ANKS1B: variants seen among roughly 807,000 people sequenced by gnomAD.
ANKS1B encodes ankyrin repeat and sterile alpha motif domain containing 1B.
A neutral mutation model predicts 148.3 loss-of-function variants in ANKS1B; 36 were observed. The ratio of observed to expected loss-of-function variants is 0.24; its 90% CI spans 0.19 to 0.32. The LOEUF is 0.32. Ranked by LOEUF, ANKS1B falls within the 10% of genes least tolerant of loss-of-function variation. The pLI is 1.00. For missense variants in ANKS1B, 1,157 were observed against 1,542.6 expected (o/e 0.75, Z 4.19); for synonymous variants, 542 against 560.8 (o/e 0.97, Z 0.47).
At chr12:99,925,407 G>C (rs1218152716) in intron 1 of ANKS1B, among the ~76,000 whole-genome samples, 1 of 152,146 alleles carries the variant, frequency 6.6e-6, no homozygotes, top group Non-Finnish European at 1.5e-5. Flanking sequence ...GCATTTCTCA[G>C]CCTGGGCTCC....
Position 99,158,120 on chromosome 12 carries a change from G to A in ANKS1B, c.2420-3725C>T, listed in dbSNP as rs1002259237. 4.6e-5 allele frequency among the ~76,000 whole-genome samples: 7 copies of A among 152,034 alleles called. No homozygotes were observed. In the South Asian group the frequency reaches 6.2e-4, roughly 14 times the overall value. On this transcript the variant is annotated intron_variant, in intron 14 of 26. Coordinates refer to ENST00000683438, the MANE Select transcript of ANKS1B (RefSeq NM_001352186.2). Reference sequence around the variant, plus strand: ...ACCCTGAGTCATGTTGTTTGTTTGCGGTTTTGTTGAAGTATTTTCTCATGA... The same window carrying A: ...ACCCTGAGTCATGTTGTTTGTTTGCAGTTTTGTTGAAGTATTTTCTCATGA...
At chr12:99,937,877 A>C (rs541571480) in intron 1 of ANKS1B, among the ~76,000 whole-genome samples, 1 of 152,182 alleles carries the variant, frequency 6.6e-6, no homozygotes, top group Non-Finnish European at 1.5e-5. Flanking sequence ...ATGATAAATC[A>C]GTCATGAATC....
chr12:99,941,603 A>C (rs2094920901), intron 1 of ANKS1B, among the ~76,000 whole-genome samples: 1 of 152,198 alleles, frequency 6.6e-6, no homozygotes. Context: ...AGGAAAAATA[A>C]AATAAGCTGT....
At chr12:98,990,221 C>A (rs531158357) in intron 17 of ANKS1B, among the ~76,000 whole-genome samples, 4 of 152,138 alleles carry the variant, frequency 2.6e-5, no homozygotes, top group East Asian at 3.9e-4. Context: ...GTGCAGAGAT[C>A]TTTTACCTCC....
chr12:98,945,062 A>T (rs1314334157), intron 17 of ANKS1B, among the ~76,000 whole-genome samples: 1 of 152,216 alleles, frequency 6.6e-6, no homozygotes, highest in African/African-American at 2.4e-5. Context: ...TTGATCAGTG[A>T]CTGGAGATCC....
intron 15 of ANKS1B, among the ~76,000 whole-genome samples, chr12:99,152,181 TATG>T (rs1238767665): frequency 6.6e-6 from 1 of 152,166 alleles, no homozygotes; most frequent in Non-Finnish European, 1.5e-5. Context: ...ATTAATCGCT[TATG>T]ATACTAGTAG....
At chr12:99,732,294 C>T (rs1038381875) in intron 8 of ANKS1B, among the ~76,000 whole-genome samples, 2 of 152,174 alleles carry the variant, frequency 1.3e-5, no homozygotes, top group African/African-American at 4.8e-5. Context: ...AGTAATCCCA[C>T]TCTTACATGT....
intron 11 of ANKS1B, among the ~76,000 whole-genome samples, chr12:99,442,948 T>A (rs2095574273): frequency 6.6e-6 from 1 of 151,952 alleles, no homozygotes; most frequent in Admixed American, 6.6e-5. Flanking sequence ...ACCAATTTCG[T>A]GTTCTGGGTC....
At chr12:99,162,938 G>C (rs1402046574) in intron 14 of ANKS1B, among the ~76,000 whole-genome samples, 1 of 151,942 alleles carries the variant, frequency 6.6e-6, no homozygotes, top group Non-Finnish European at 1.5e-5. Flanking sequence ...GGCACCTGTA[G>C]TCCCAGCTAC....
At chr12:99,717,412 C>T (rs1398879686) in intron 8 of ANKS1B, among the ~76,000 whole-genome samples, 2 of 152,196 alleles carry the variant, frequency 1.3e-5, no homozygotes, top group African/African-American at 2.4e-5. Context: ...ACGCCTAAAC[C>T]GCAGTGGCCA....
intron 8 of ANKS1B, among the ~76,000 whole-genome samples, chr12:99,731,348 ACCTCAAATGATC>A (rs970467306): frequency 5.5e-4 from 84 of 151,478 alleles, no homozygotes; most frequent in African/African-American, 2.0e-3. Flanking sequence ...CAAACTCCTG[ACCTCAAATGATC>A]CACTCGCCTC....
At chr12:99,224,541 A>G (rs944793316) in intron 14 of ANKS1B, among the ~76,000 whole-genome samples, 3 of 152,094 alleles carry the variant, frequency 2.0e-5, no homozygotes, top group African/African-American at 7.2e-5. Context: ...GCCATGTAAG[A>G]TGCCTATGCT....
At chr12:98,862,592 T>C (rs2099604773) in intron 17 of ANKS1B, among the ~76,000 whole-genome samples, 1 of 152,182 alleles carries the variant, frequency 6.6e-6, no homozygotes, top group South Asian at 2.1e-4. Context: ...AAATAGACAC[T>C]TTATGTAAAA....
At chr12:99,910,319 C>T (rs1375813747) in intron 1 of ANKS1B, among the ~76,000 whole-genome samples, 1 of 122,090 alleles carries the variant, frequency 8.2e-6, no homozygotes, top group Non-Finnish European at 1.6e-5. Flanking sequence ...CGCACCACTG[C>T]ATTCCAGCCT....
intron 10 of ANKS1B, among the ~76,000 whole-genome samples, chr12:99,494,514 A>G (rs908685551): frequency 6.6e-6 from 1 of 151,990 alleles, no homozygotes; most frequent in African/African-American, 2.4e-5. Context: ...TGGGCGGGTT[A>G]CGAGGTCAGG....
intron 15 of ANKS1B, among the ~76,000 whole-genome samples, chr12:99,153,636 C>G (rs553599500): frequency 6.6e-6 from 1 of 152,190 alleles, no homozygotes; most frequent in Non-Finnish European, 1.5e-5. Flanking sequence ...CATGACTATA[C>G]TTACTCCACC....
At chr12:99,928,286 T>TTTTTTTTTTG (rs1288372417) in intron 1 of ANKS1B, among the ~76,000 whole-genome samples, 1 of 150,176 alleles carries the variant, frequency 6.7e-6, no homozygotes, top group Non-Finnish European at 1.5e-5. Flanking sequence ...TTTTTTTTTT[T>TTTTTTTTTTG]TTTGAGACGG....
chr12:99,540,922 A>T (rs886636938), intron 9 of ANKS1B, among the ~76,000 whole-genome samples: 1 of 152,102 alleles, frequency 6.6e-6, no homozygotes, highest in African/African-American at 2.4e-5. Context: ...AGAAGACTCA[A>T]ATTACTAAAA....
chr12:99,032,942 T>C (rs2099953175), intron 17 of ANKS1B, among the ~76,000 whole-genome samples: 2 of 152,252 alleles, frequency 1.3e-5, no homozygotes, highest in African/African-American at 4.8e-5. Context: ...GATCAGTAAG[T>C]ATATCATGGT....
Sources: gnomAD v4.1 joint callset for allele counts (sites outside exome capture counted in the v4.1 genomes callset) on GRCh38, gnomAD v4.1.1 for gene constraint, MANE v1.5 for transcripts, NCBI Gene and HGNC (gene_info 2026-07-23, HGNC 2026-07-21) for gene names.